Variants in PCDH9 observed in about 807,000 individuals in gnomAD.
PCDH9 encodes protocadherin-9.
Under a neutral mutation model 70.6 loss-of-function variants are expected in PCDH9, and 24 were observed. The observed-to-expected ratio is 0.34, with a 90% CI of 0.25 to 0.48. PCDH9 has a LOEUF of 0.48. Among genes scored for constraint, PCDH9 ranks in the 20% least tolerant of loss-of-function variants. The probability of loss-of-function intolerance (pLI) is 0.99; values close to 1 mark genes in which losing one functional copy is unlikely to be tolerated. For missense variants in PCDH9, 1,281 were observed against 1,503.6 expected (o/e 0.85, Z 2.45); for synonymous variants, 562 against 558.5 (o/e 1.01, Z -0.09).
chr13:67,098,939 A>G (rs1259911221), intron 2 of PCDH9, among the ~76,000 whole-genome samples: 2 of 152,178 alleles, frequency 1.3e-5, no homozygotes, highest in Non-Finnish European at 2.9e-5. Flanking sequence ...TGATATAGAT[A>G]ATAAATTACA....
chr13:66,350,314 C>T (rs1956274580), intron 4 of PCDH9, among the ~76,000 whole-genome samples: 1 of 152,166 alleles, frequency 6.6e-6, no homozygotes, highest in Non-Finnish European at 1.5e-5. Context: ...CAGGTAATTC[C>T]ATCTCTCTGT....
At chr13:66,670,679 C>T (rs1355783939) in intron 3 of PCDH9, among the ~76,000 whole-genome samples, 2 of 151,782 alleles carry the variant, frequency 1.3e-5, no homozygotes, top group East Asian at 3.9e-4. Flanking sequence ...CATATTCTAC[C>T]TAATTTTGCC....
intron 2 of PCDH9, among the ~76,000 whole-genome samples, chr13:66,916,399 A>T (rs1178505264): frequency 6.6e-6 from 1 of 151,474 alleles, no homozygotes; most frequent in East Asian, 1.9e-4. Flanking sequence ...GACACTTTAA[A>T]CCAAATCTGA....
At chr13:66,403,603 G>A (rs1413044976) in intron 4 of PCDH9, among the ~76,000 whole-genome samples, 3 of 151,964 alleles carry the variant, frequency 2.0e-5, no homozygotes, top group Non-Finnish European at 4.4e-5. Context: ...AGACTCTAGA[G>A]AGCTTTTGTA....
chr13:66,869,636 C>A (rs142545864), intron 3 of PCDH9, among the ~76,000 whole-genome samples: 3 of 152,038 alleles, frequency 2.0e-5, no homozygotes, highest in Non-Finnish European at 4.4e-5. Context: ...ACTTATTCTG[C>A]GTGTCTTTAT....
intron 4 of PCDH9, among the ~76,000 whole-genome samples, chr13:66,488,939 G>A (rs557479385): frequency 2.0e-5 from 3 of 152,090 alleles, no homozygotes; most frequent in Admixed American, 1.3e-4. Flanking sequence ...TCCCACAGGC[G>A]AGTACACCAA....
intron 3 of PCDH9, among the ~76,000 whole-genome samples, chr13:66,663,038 T>C (rs1165181557): frequency 6.6e-6 from 1 of 152,160 alleles, no homozygotes; most frequent in East Asian, 1.9e-4. Context: ...TTTTTCCCAA[T>C]TAACTATAAG....
chr13:66,764,719 C>G (rs1300163436), intron 3 of PCDH9, among the ~76,000 whole-genome samples: 2 of 151,906 alleles, frequency 1.3e-5, no homozygotes, highest in Non-Finnish European at 2.9e-5. Context: ...TAATTTTTGA[C>G]CAAGCAAAGA....
chr13:67,124,503 G>A (rs1185068867), intron 2 of PCDH9, among the ~76,000 whole-genome samples: 1 of 152,096 alleles, frequency 6.6e-6, no homozygotes, highest in Non-Finnish European at 1.5e-5. Flanking sequence ...AATTAATTTT[G>A]TAACAAGGTA....
intron 4 of PCDH9, among the ~76,000 whole-genome samples, chr13:66,416,556 T>G (rs1957464731): frequency 6.6e-6 from 1 of 152,200 alleles, no homozygotes. Context: ...TTAGCTATAA[T>G]GCATGTTGCT....
At chr13:66,409,906 A>C (rs1957341847) in intron 4 of PCDH9, among the ~76,000 whole-genome samples, 2 of 152,138 alleles carry the variant, frequency 1.3e-5, no homozygotes, top group African/African-American at 4.8e-5. Flanking sequence ...CCACATTCTG[A>C]AAAGTTAAAC....
At chr13:66,431,012 G>A (rs1957761816) in intron 4 of PCDH9, among the ~76,000 whole-genome samples, 2 of 151,942 alleles carry the variant, frequency 1.3e-5, no homozygotes, top group Non-Finnish European at 2.9e-5. Context: ...AAATCTCTTT[G>A]AGCACTGTTT....
At chr13:66,727,890 A>G (rs1444156877) in intron 3 of PCDH9, among the ~76,000 whole-genome samples, 2 of 152,188 alleles carry the variant, frequency 1.3e-5, no homozygotes, top group African/African-American at 4.8e-5. Flanking sequence ...AGACTACAGA[A>G]GTCTCTAGTA....
chr13:66,486,089 C>G (rs920733781), intron 4 of PCDH9, among the ~76,000 whole-genome samples: 5 of 152,024 alleles, frequency 3.3e-5, no homozygotes, highest in East Asian at 1.9e-4. Context: ...ATGCATGATA[C>G]AAGTCAAGTC....
intron 2 of PCDH9, among the ~76,000 whole-genome samples, chr13:66,980,709 T>C (rs1268997347): frequency 1.4e-5 from 2 of 146,268 alleles, no homozygotes; most frequent in Non-Finnish European, 3.0e-5. Flanking sequence ...AAAAATTTTG[T>C]TTTTTCCTGT....
At chr13:67,167,867 AT>A (rs1359106025) in intron 2 of PCDH9, among the ~76,000 whole-genome samples, 2 of 152,174 alleles carry the variant, frequency 1.3e-5, no homozygotes, top group African/African-American at 4.8e-5. Flanking sequence ...ATTAAGACTA[AT>A]GCATACAGGG....
chr13:67,163,761 C>T (rs2088028010), intron 2 of PCDH9, among the ~76,000 whole-genome samples: 1 of 152,144 alleles, frequency 6.6e-6, no homozygotes, highest in African/African-American at 2.4e-5. Context: ...ATGTACAGTT[C>T]TTTAAAGAAT....
intron 2 of PCDH9, among the ~76,000 whole-genome samples, chr13:67,071,084 C>G (rs1437503794): frequency 6.6e-6 from 1 of 152,128 alleles, no homozygotes; most frequent in African/African-American, 2.4e-5. Flanking sequence ...AGATTTTCTT[C>G]TAAGGAAAAT....
chr13:66,903,645 C>T (rs2082313066), intron 2 of PCDH9, 40 bp from the exon 3 acceptor site: 3 of 840,998 alleles, frequency 3.6e-6, no homozygotes, highest in Non-Finnish European at 6.1e-6. Context: ...AACTACTCCA[C>T]ATTTAGAGTG....
Sources: allele counts gnomAD v4.1 joint callset (sites outside exome capture counted in the v4.1 genomes callset), GRCh38; gene constraint gnomAD v4.1.1; transcripts MANE v1.5; gene names NCBI Gene and HGNC (gene_info 2026-07-23, HGNC 2026-07-21).